The following PIWIL3 variants were observed in gnomAD, a reference collection of about 807,000 sequenced individuals.
PIWIL3 encodes piwi like RNA-mediated gene silencing 3.
A neutral mutation model predicts 109.7 loss-of-function variants in PIWIL3; 101 were observed. The ratio of observed to expected loss-of-function variants is 0.92; its 90% confidence interval spans 0.78 to 1.09. The LOEUF is 1.09. PIWIL3 is among the 50% of genes least tolerant of loss of function. PIWIL3 has a pLI of 0.00. For synonymous variants in PIWIL3, 373 were observed against 376.4 expected (o/e 0.99, Z 0.10); for missense variants, 1,031 against 1,072.6 (o/e 0.96, Z 0.54).
chr22:24,725,358 T>TAC, intron 17 of PIWIL3, 87 bp downstream of exon 17: 4 of 1,509,390 alleles, frequency 2.7e-6, no homozygotes, highest in Non-Finnish European at 2.7e-6. Flanking sequence ...GTTCAGTCAT[T>TAC]ACCAAGTGTC....
Position 24,719,796 on chromosome 22 carries a change from T to C in PIWIL3, c.2457A>G (p.Thr819=). 1 of 1,613,328 alleles carries C rather than the reference T, an allele frequency of 6.2e-7. No individual in the cohort carries two copies. The highest frequency in any genetic ancestry group is 8.5e-7 in the Non-Finnish European group (1 of 1,179,248). The change falls in exon 20 of 21, where the codon ACA becomes ACG. Residue 819 remains threonine (T), a synonymous_variant. Transcript: ENST00000616349. The part of the protein sequence containing the change: ...IYDTIGLSPD[T]VQRLTYCLCH... Reference sequence around the variant, plus strand: ...ATAGACAATATGTTAAACGCTGTACTGTATCTGGGCTCAAGCCAATCGTGT... The same window carrying C: ...ATAGACAATATGTTAAACGCTGTACCGTATCTGGGCTCAAGCCAATCGTGT...
At position 24,751,473 on chromosome 22, in the gene PIWIL3, C is replaced by T. The variant is rs1198413695; in HGVS notation, c.1003G>A (p.Asp335Asn). ...GGATTCTGCTTCCAATCAATATCAT[C>T]TACTCTGTAGGTTTTGTTGTTGTAT... ...TKYNNKTYRV[D>N]DIDWKQNPED... is the part of the protein sequence containing the mutation. Residue 335 changes from aspartate to asparagine, a missense_variant, in exon 9 of 21, where the codon GAT becomes AAT. Physicochemically the swap from Asp to Asn is conservative, Grantham distance 23. Transcript: ENST00000616349. The T allele has an allele frequency of 7.4e-6, 12 of 1,612,394 alleles. No homozygotes were observed. Among genetic ancestry groups the T allele is most frequent in the South Asian group, 2.2e-5 (2 of 90,442 alleles).
intron 8 of PIWIL3, among the ~76,000 whole-genome samples, chr22:24,753,799 T>G (rs1233422959): frequency 1.3e-5 from 2 of 152,210 alleles, no homozygotes; most frequent in Admixed American, 6.5e-5. Context: ...TCAGAACAAA[T>G]GGACTGGCAT....
chr22:24,750,575 G>A (rs922036392), intron 9 of PIWIL3, among the ~76,000 whole-genome samples: 5 of 135,174 alleles, frequency 3.7e-5, no homozygotes, highest in Admixed American at 8.7e-5. Context: ...TGCAACCCCC[G>A]CCACCCGGGT....
intron 12 of PIWIL3, among the ~76,000 whole-genome samples, chr22:24,748,146 A>C (rs1924481305): frequency 6.6e-6 from 1 of 152,194 alleles, no homozygotes; most frequent in South Asian, 2.1e-4. Flanking sequence ...CTGGAACTGA[A>C]GGTCACTGTG....
In PIWIL3 at chr22:24,759,979, G is replaced by T. The variant is rs1363387066; in HGVS notation, c.113C>A (p.Pro38His). The change falls in exon 3 of 21, where the codon CCC (proline) becomes CAC (histidine). Residue 38 changes from proline (P) to histidine (H), a missense_variant. Coordinates refer to ENST00000616349, the MANE Select transcript of PIWIL3 (RefSeq NM_001255975.1). Reference protein sequence around the residue: ...RAPGSATTQEPPQLQSTPRPL... With the variant: ...RAPGSATTQEHPQLQSTPRPL... ...CCGGGGTGTCGACTGCAACTGAGGG[G>T]GCTCCTGGGTCTGCATGTTTTTGGA... 6.2e-7 allele frequency: 1 copy of T among 1,614,052 alleles called. No homozygotes were observed. The highest frequency in any genetic ancestry group is 2.2e-5 in the East Asian group (1 of 44,890).
chr22:24,732,464 G>C (rs1356777382), intron 14 of PIWIL3, among the ~76,000 whole-genome samples: 1 of 152,162 alleles, frequency 6.6e-6, no homozygotes, highest in East Asian at 1.9e-4. Context: ...ATGAGTAAAT[G>C]AGTAAAAGTA....
At chr22:24,756,770 A>T in intron 4 of PIWIL3, 65 bp from the exon 5 acceptor site, 1 of 1,385,684 alleles carries the variant, frequency 7.2e-7, no homozygotes, top group Non-Finnish European at 1.0e-6. Flanking sequence ...AACAGTTTGG[A>T]CACTACAATA....
intron 2 of PIWIL3, among the ~76,000 whole-genome samples, chr22:24,761,364 G>A (rs1016206931): frequency 1.3e-5 from 2 of 152,160 alleles, no homozygotes; most frequent in Non-Finnish European, 2.9e-5. Flanking sequence ...TAACCTAAAC[G>A]CCAAGCGGAG....
In PIWIL3 at chr22:24,735,791, G is replaced by T; in HGVS notation, c.1551C>A (p.Ser517Arg). 6 of 1,613,948 alleles carry T rather than the reference G, an allele frequency of 3.7e-6. No individual in the cohort carries two copies. Among genetic ancestry groups the T allele is most frequent in the African/African-American group, 1.3e-5 (1 of 75,034 alleles). The change falls in exon 13 of 21, where the codon AGC (serine) becomes AGA (arginine). Residue 517 changes from serine to arginine, a missense_variant. By Grantham distance (110) the Ser-to-Arg change is moderately radical. Coordinates refer to ENST00000616349, the MANE Select transcript of PIWIL3 (RefSeq NM_001255975.1). ...TTAAGGACATGGCTTCTCTGTGACT[G>T]CTCCTGCTATAGAGTATGAGCCAAC... ...LHSWLILYSR[S>R]SHREAMSLKG...
chr22:24,737,597 T>C (rs1923733619), intron 12 of PIWIL3, among the ~76,000 whole-genome samples: 1 of 152,162 alleles, frequency 6.6e-6, no homozygotes, highest in African/African-American at 2.4e-5. Context: ...TCTTGCACCT[T>C]AGGTGCCATC....
chr22:24,735,629 C>T (rs1452228112), intron 13 of PIWIL3, 79 bp downstream of exon 13: 1 of 1,369,482 alleles, frequency 7.3e-7, no homozygotes, highest in African/African-American at 1.5e-5. Flanking sequence ...TGACCAATTC[C>T]TACAATTTAA....
rs113771741 is a variant in PIWIL3 at position 24,756,651 on chromosome 22, C to A, written c.410G>T (p.Arg137Leu). 1 of 1,613,896 alleles carries A rather than the reference C, an allele frequency of 6.2e-7. No homozygotes were observed. The highest frequency in any genetic ancestry group is 8.5e-7 in the Non-Finnish European group (1 of 1,179,984). The change falls in exon 5 of 21, where the codon CGT becomes CTT. Residue 137 changes from arginine (R) to leucine (L), a missense_variant. Arg to Leu is a moderately radical substitution (Grantham distance 102). Coordinates refer to ENST00000616349, the MANE Select transcript of PIWIL3 (RefSeq NM_001255975.1). ...LLANHFRVIS[R>L]PQWVAYKYNV... is the part of the protein sequence containing the mutation. Reference sequence around the variant, plus strand: ...GTATTTATATGCAACCCACTGAGGACGAGATATCACTCGGAAGTGGTTGGC... The same window carrying A: ...GTATTTATATGCAACCCACTGAGGAAGAGATATCACTCGGAAGTGGTTGGC...
intron 4 of PIWIL3, among the ~76,000 whole-genome samples, chr22:24,757,093 A>G (rs1361793431): frequency 1.3e-5 from 2 of 150,606 alleles, no homozygotes; most frequent in Non-Finnish European, 3.0e-5. Flanking sequence ...AAAAAAAAAA[A>G]AAAAAAAAAG....
At chr22:24,722,452 C>T (rs771015978) in intron 19 of PIWIL3, among the ~76,000 whole-genome samples, 1 of 152,056 alleles carries the variant, frequency 6.6e-6, no homozygotes, top group Non-Finnish European at 1.5e-5. Flanking sequence ...GTGGCTCACA[C>T]CTGTAATCCC....
chr22:24,750,491 C>CTT (rs1202112452), intron 9 of PIWIL3, among the ~76,000 whole-genome samples: 8 of 98,440 alleles, frequency 8.1e-5, no homozygotes, highest in East Asian at 9.5e-4. Context: ...GATTTTTTTT[C>CTT]TTTTTTTTTT....
At chr22:24,727,364 T>C (rs1923059218) in intron 16 of PIWIL3, among the ~76,000 whole-genome samples, 1 of 152,220 alleles carries the variant, frequency 6.6e-6, no homozygotes, top group Admixed American at 6.5e-5. Flanking sequence ...TTCTGGCTGA[T>C]GGCCAAAGAG....
At chr22:24,771,119 T>C (rs1258523523) in intron 1 of PIWIL3, among the ~76,000 whole-genome samples, 1 of 151,870 alleles carries the variant, frequency 6.6e-6, no homozygotes, top group African/African-American at 2.4e-5. Context: ...CTTAAAATGG[T>C]CTCTTGGAGG....
chr22:24,725,349 T>G, intron 17 of PIWIL3, 96 bp downstream of exon 17: 1 of 1,468,858 alleles, frequency 6.8e-7, no homozygotes, highest in Admixed American at 1.8e-5. Context: ...AAACTAAAGG[T>G]TCAGTCATTA....
Sources: allele counts gnomAD v4.1 joint callset (sites outside exome capture counted in the v4.1 genomes callset), GRCh38; gene constraint gnomAD v4.1.1; transcripts MANE v1.5; gene names NCBI Gene and HGNC (gene_info 2026-07-23, HGNC 2026-07-21).